Variants in ADAMTS3 observed in about 807,000 individuals in gnomAD.
ADAMTS3 encodes the protein ADAM metallopeptidase with thrombospondin type 1 motif 3.
ADAMTS3 carries 73 observed loss-of-function variants against 129.0 expected under a neutral mutation model. That is an observed-to-expected ratio of 0.57 (90% CI 0.47 to 0.69). The LOEUF (loss-of-function observed/expected upper bound fraction) is 0.69, where lower values mean the gene tolerates loss of function less well. Among genes scored for constraint, ADAMTS3 ranks in the 30% least tolerant of loss-of-function variants. ADAMTS3 has a pLI of 0.00. For synonymous variants in ADAMTS3, 477 were observed against 510.8 expected (o/e 0.93, Z 0.89); for missense variants, 1,457 against 1,514.5 (o/e 0.96, Z 0.63).
chr4:72,392,843 C>T (rs1721632553), intron 4 of ADAMTS3, among the ~76,000 whole-genome samples: 2 of 150,966 alleles, frequency 1.3e-5, no homozygotes, highest in East Asian at 1.9e-4. Context: ...TTAGGAGGAA[C>T]TAGAAAAGAA....
At chr4:72,530,383 T>C (rs1268503573) in intron 3 of ADAMTS3, among the ~76,000 whole-genome samples, 9 of 85,776 alleles carry the variant, frequency 1.0e-4, no homozygotes, top group African/African-American at 4.3e-4. Context: ...ATATAATATA[T>C]ATTAAATTAA....
intron 3 of ADAMTS3, among the ~76,000 whole-genome samples, chr4:72,541,134 G>A (rs900560758): frequency 2.0e-5 from 3 of 152,190 alleles, no homozygotes; most frequent in Non-Finnish European, 4.4e-5. Context: ...AGCCACAGGG[G>A]ATGGAGCTGC....
At chr4:72,398,826 A>T (rs78752303) in intron 4 of ADAMTS3, among the ~76,000 whole-genome samples, 2,406 of 152,016 alleles carry the variant, frequency 0.016, 78 homozygotes, top group African/African-American at 0.056. Context: ...TATGCATCCC[A>T]CTCCTGAGTC....
intron 4 of ADAMTS3, among the ~76,000 whole-genome samples, chr4:72,382,297 C>G (rs1721313162): frequency 6.6e-6 from 1 of 151,644 alleles, no homozygotes; most frequent in Non-Finnish European, 1.5e-5. Flanking sequence ...ATAATTATAT[C>G]TAATGACTAC....
chr4:72,565,091 T>C (rs957029992), intron 2 of ADAMTS3, among the ~76,000 whole-genome samples: 3 of 152,164 alleles, frequency 2.0e-5, no homozygotes, highest in Non-Finnish European at 4.4e-5. Flanking sequence ...TACACTTATA[T>C]GCACCCTCCT....
chr4:72,330,016 T>A (rs116521821), intron 5 of ADAMTS3, among the ~76,000 whole-genome samples: 3,653 of 152,202 alleles, frequency 0.024, 152 homozygotes, highest in African/African-American at 0.084. Context: ...CAAAGTTTGG[T>A]TTTTTTGTTT....
intron 2 of ADAMTS3, among the ~76,000 whole-genome samples, chr4:72,563,477 C>A (rs778566806): frequency 1.3e-5 from 2 of 152,046 alleles, no homozygotes; most frequent in African/African-American, 2.4e-5. Flanking sequence ...AGCAATAGGG[C>A]AAATGATCCC....
At chr4:72,313,330 C>T (rs1474841044) in intron 12 of ADAMTS3, among the ~76,000 whole-genome samples, 3 of 152,178 alleles carry the variant, frequency 2.0e-5, no homozygotes, top group Non-Finnish European at 1.5e-5. Flanking sequence ...CTTGGTACCG[C>T]TCTTTCCTGG....
chr4:72,337,193 T>G (rs1720013265), intron 5 of ADAMTS3, among the ~76,000 whole-genome samples: 1 of 152,168 alleles, frequency 6.6e-6, no homozygotes, highest in Admixed American at 6.6e-5. Context: ...TAAAAAATTA[T>G]TTTCTCTCCC....
At chr4:72,310,946 T>C in intron 14 of ADAMTS3, 102 bp downstream of exon 14, 1 of 1,109,254 alleles carries the variant, frequency 9.0e-7, no homozygotes, top group East Asian at 2.6e-5. Flanking sequence ...TACTATAATG[T>C]GATTTCAAAG....
At chr4:72,504,190 G>C (rs1422700980) in intron 3 of ADAMTS3, among the ~76,000 whole-genome samples, 2 of 152,088 alleles carry the variant, frequency 1.3e-5, no homozygotes, top group South Asian at 2.1e-4. Context: ...GGGTCTGTGG[G>C]CTATGTACAT....
intron 3 of ADAMTS3, among the ~76,000 whole-genome samples, chr4:72,444,648 C>T (rs1268447940): frequency 6.6e-6 from 1 of 151,660 alleles, no homozygotes; most frequent in African/African-American, 2.4e-5. Context: ...ATAGAAATGT[C>T]ATACTTAAAT....
intron 3 of ADAMTS3, among the ~76,000 whole-genome samples, chr4:72,428,417 G>T (rs1429578307): frequency 6.6e-6 from 1 of 151,960 alleles, no homozygotes; most frequent in Non-Finnish European, 1.5e-5. Flanking sequence ...TCATGATGAG[G>T]TTTATTAGGA....
intron 3 of ADAMTS3, among the ~76,000 whole-genome samples, chr4:72,484,747 T>A (rs1055104785): frequency 6.6e-6 from 1 of 152,172 alleles, no homozygotes. Context: ...TGGCTGCTAT[T>A]GCAGCATATA....
intron 3 of ADAMTS3, among the ~76,000 whole-genome samples, chr4:72,465,275 C>T (rs1359567432): frequency 6.6e-6 from 1 of 151,786 alleles, no homozygotes; most frequent in East Asian, 2.0e-4. Context: ...GAGTGACTGG[C>T]AAAGGAAGTA....
chr4:72,288,918 G>GCACA lies in ADAMTS3; in HGVS notation c.2932-54_2932-51dup, dbSNP rs764883582. On this transcript the variant is annotated intron_variant, in intron 20 of 21. Coordinates refer to ENST00000286657, the MANE Select transcript of ADAMTS3 (RefSeq NM_014243.3). ...CAGACATTTATTGCACCAAGACCAT[G>GCACA]CACATACACACACACACACACACAC... 63 of 564,436 alleles carry GCACA rather than the reference G, an allele frequency of 1.1e-4. 1 individual carries two copies. The highest frequency in any genetic ancestry group is 1.1e-3 in the African/African-American group (38 of 36,092). 35.0% of individuals were successfully genotyped at this position (564,436 alleles called of 1,614,324 possible).
At chr4:72,567,493 G>C in intron 1 of ADAMTS3, 92 bp from the exon 2 acceptor site, 1 of 1,311,078 alleles carries the variant, frequency 7.6e-7, no homozygotes, top group South Asian at 1.3e-5. Flanking sequence ...TGGTTTCCAA[G>C]AGCTAACTAA....
chr4:72,437,121 A>C (rs907047544), intron 3 of ADAMTS3, among the ~76,000 whole-genome samples: 1 of 151,886 alleles, frequency 6.6e-6, no homozygotes, highest in African/African-American at 2.4e-5. Context: ...GACAATAGTT[A>C]AAAGTAGAAC....
chr4:72,283,742 C>T, intron 21 of ADAMTS3, 38 bp from the exon 22 acceptor site: 1 of 1,467,026 alleles, frequency 6.8e-7, no homozygotes. Flanking sequence ...ACACTAGCAT[C>T]TAAACATAAA....
Sources: gnomAD v4.1 joint callset for allele counts (sites outside exome capture counted in the v4.1 genomes callset) on GRCh38, gnomAD v4.1.1 for gene constraint, MANE v1.5 for transcripts, NCBI Gene and HGNC (gene_info 2026-07-23, HGNC 2026-07-21) for gene names.